KIF26A: variants seen among roughly 807,000 people sequenced by gnomAD.
KIF26A encodes kinesin-like protein KIF26A.
KIF26A carries 74 observed loss-of-function variants against 126.0 expected under a neutral mutation model. That is an observed-to-expected ratio of 0.59 (90% CI 0.49 to 0.71). The LOEUF (loss-of-function observed/expected upper bound fraction) is 0.71. Among genes scored for constraint, KIF26A ranks in the 30% least tolerant of loss-of-function variants. The pLI, the probability that KIF26A is intolerant of heterozygous loss-of-function variation, is 0.00. For synonymous variants in KIF26A, 1,445 were observed against 1,232.7 expected, an observed-to-expected ratio of 1.17 and a Z score of -3.61; for missense variants, 2,984 against 2,763.3, an observed-to-expected ratio of 1.08 and a Z score of -1.79.
At position 104,176,220 on chromosome 14, in the gene KIF26A, G is replaced by T; in HGVS notation, c.3432G>T (p.Gly1144=). ...ACTCGCTGGCAGGGCTTGACCCTGG[G>T]GGCCCCCCTGCCCTGGATGGTTCCC... The part of the protein sequence containing the change: ...SPDSLAGLDP[G]GPPALDGSLG... The change falls in exon 12 of 15, where the codon GGG becomes GGT. Residue 1144 remains glycine, a synonymous_variant. Coordinates refer to ENST00000423312, the MANE Select transcript of KIF26A (RefSeq NM_015656.2). 6.2e-7 allele frequency: 1 copy of T among 1,601,204 alleles called. No homozygotes were observed. The highest frequency in any genetic ancestry group is 8.5e-7 in the Non-Finnish European group (1 of 1,174,998).
At chr14:104,144,000 G>A (rs1197729588) in intron 2 of KIF26A, among the ~76,000 whole-genome samples, 1 of 152,232 alleles carries the variant, frequency 6.6e-6, no homozygotes, top group African/African-American at 2.4e-5. Context: ...TGGGGAGGGA[G>A]CCTGGGGAAG....
chr14:104,158,044 T>A, intron 4 of KIF26A, 102 bp downstream of exon 4: 1 of 1,122,376 alleles, frequency 8.9e-7, no homozygotes, highest in Non-Finnish European at 1.2e-6. Context: ...ACCTCGGGCA[T>A]GCTTGCTGCT....
intron 5 of KIF26A, among the ~76,000 whole-genome samples, chr14:104,167,355 T>C (rs1231016774): frequency 2.0e-5 from 3 of 151,818 alleles, no homozygotes; most frequent in African/African-American, 7.3e-5. Flanking sequence ...TTGGGTTTGA[T>C]CCAGGGAAGC....
At chr14:104,169,865 C>T (rs1410568828) in intron 5 of KIF26A, among the ~76,000 whole-genome samples, 1 of 152,206 alleles carries the variant, frequency 6.6e-6, no homozygotes. Context: ...AGGGGAGAGG[C>T]TTGCTGTGCC....
chr14:104,167,389 C>T (rs988745655), intron 5 of KIF26A, among the ~76,000 whole-genome samples: 8 of 152,148 alleles, frequency 5.3e-5, no homozygotes, highest in African/African-American at 9.7e-5. Flanking sequence ...TCCACTGAGA[C>T]GCAGCCCTGA....
intron 11 of KIF26A, 23 bp from the exon 12 acceptor site, chr14:104,174,959 C>T (rs1267500083): frequency 6.7e-7 from 1 of 1,501,006 alleles, no homozygotes; most frequent in Non-Finnish European, 8.9e-7. Flanking sequence ...CTGGGCTCGG[C>T]AGCTCCACTT....
chr14:104,179,034 G>A (rs1165746407), intron 13 of KIF26A, among the ~76,000 whole-genome samples: 2 of 152,186 alleles, frequency 1.3e-5, no homozygotes, highest in African/African-American at 4.8e-5. Flanking sequence ...CCTGTCGTGG[G>A]GAGGGTGGTC....
Position 104,148,004 on chromosome 14 carries a change from A to C in KIF26A, c.289-4011A>C, listed in dbSNP as rs562038137. Reference sequence around the variant, plus strand: ...GGCGTGGCGTCTCTGAACTGGGAGCAGGACTCCCCTCGCTGTCCCAGGGTG... The same window carrying C: ...GGCGTGGCGTCTCTGAACTGGGAGCCGGACTCCCCTCGCTGTCCCAGGGTG... On this transcript the variant is annotated intron_variant, in intron 2 of 14. Coordinates refer to ENST00000423312, the MANE Select transcript of KIF26A (RefSeq NM_015656.2). The surrounding 1 kb of genome is among the most constrained non-coding windows in gnomAD (Gnocchi z 4.3). Among the ~76,000 whole-genome samples, 9 of 152,298 alleles carry C rather than the reference A, an allele frequency of 5.9e-5. No individual in the cohort carries two copies. The highest frequency in any genetic ancestry group is 2.9e-5 in the Non-Finnish European group (2 of 68,022).
chr14:104,176,697 C>A lies in KIF26A; in HGVS notation c.3909C>A (p.Ile1303=). Residue 1303 remains isoleucine (I), a synonymous_variant, in exon 12 of 15, where the codon ATC becomes ATA. Transcript: ENST00000423312. ...AARRPEAVAR[I]PPLRRGATTL... ...GCAGGCCAGAGGCTGTGGCTCGGAT[C>A]CCACCGCTGCGGAGGGGTGCCACCA... The A allele has an allele frequency of 6.3e-7, 1 of 1,589,570 alleles. No homozygotes were observed. Among genetic ancestry groups the A allele is most frequent in the Non-Finnish European group, 8.6e-7 (1 of 1,168,376 alleles).
chr14:104,141,373 A>G (rs1034776339), intron 2 of KIF26A, among the ~76,000 whole-genome samples: 8 of 152,214 alleles, frequency 5.3e-5, no homozygotes, highest in African/African-American at 1.9e-4. Flanking sequence ...CCTTGAGGAT[A>G]GCTGTTTACA....
Position 104,177,249 on chromosome 14 carries a change from T to C in KIF26A, c.4461T>C (p.Ala1487=). Residue 1487 remains alanine (A), a synonymous_variant, in exon 12 of 15, where the codon GCT becomes GCC. Transcript: ENST00000423312. The part of the protein sequence containing the change: ...APACRSGAAK[A]VGAPKPPVGG... ...CCTGTAGGAGCGGCGCAGCCAAGGC[T>C]GTGGGGGCCCCCAAGCCCCCTGTTG... is the stretch of plus-strand genomic sequence containing the variant. The C allele has an allele frequency of 1.9e-6, 3 of 1,597,032 alleles. No individual in the cohort carries two copies. The highest frequency in any genetic ancestry group is 2.6e-6 in the Non-Finnish European group (3 of 1,175,414).
At position 104,148,938 on chromosome 14, in the gene KIF26A, G is replaced by C. The variant is rs1314237730; in HGVS notation, c.289-3077G>C. ...AGCTGGACAGTGTGCTGGGCCCCAG[G>C]CTGGTCCTGCAAATAGGAGGTCTCG... On this transcript the variant is annotated intron_variant, in intron 2 of 14. Coordinates refer to ENST00000423312, the MANE Select transcript of KIF26A (RefSeq NM_015656.2). The surrounding 1 kb of genome is among the most constrained non-coding windows in gnomAD (Gnocchi z 4.3). 6.6e-6 allele frequency among the ~76,000 whole-genome samples: 1 copy of C among 152,178 alleles called. No homozygotes were observed. Among genetic ancestry groups the C allele is most frequent in the Non-Finnish European group, 1.5e-5 (1 of 68,026 alleles).
chr14:104,175,649 C>G lies in KIF26A; in HGVS notation c.2861C>G (p.Pro954Arg), dbSNP rs199857970. ...AGGCCACTGCCCAGCCCGGCTCCCCCACCTCCTCAGTTGCTGGAAGCCTGC... is the reference window on the plus strand; with the variant it reads ...AGGCCACTGCCCAGCCCGGCTCCCCGACCTCCTCAGTTGCTGGAAGCCTGC... ...GRRPLPSPAP[P>R]PPQLLEACRA... The change falls in exon 12 of 15, where the codon CCA becomes CGA. Residue 954 changes from proline (P) to arginine (R), a missense_variant. Physicochemically the swap from Pro to Arg is moderately radical, Grantham distance 103. Coordinates refer to ENST00000423312, the MANE Select transcript of KIF26A (RefSeq NM_015656.2). 8,755 of 1,610,064 alleles carry G rather than the reference C, an allele frequency of 5.4e-3. 28 individuals are homozygous for G. The highest frequency in any genetic ancestry group is 6.5e-3 in the Non-Finnish European group (7,701 of 1,179,300).
At chr14:104,165,807 G>GCA (rs1374649687) in intron 4 of KIF26A, among the ~76,000 whole-genome samples, 13 of 142,850 alleles carry the variant, frequency 9.1e-5, no homozygotes, top group Admixed American at 4.2e-4. Flanking sequence ...GCATATGTGT[G>GCA]TCTGTGTGTT....
At chr14:104,141,331 C>T (rs890702318) in intron 2 of KIF26A, among the ~76,000 whole-genome samples, 26 of 152,304 alleles carry the variant, frequency 1.7e-4, no homozygotes, top group African/African-American at 6.0e-4. Context: ...CCCAGGGGCC[C>T]GTTTCGTATT....
rs775690994 is a variant in KIF26A at position 104,176,983 on chromosome 14, G to C, written c.4195G>C (p.Glu1399Gln). 6.5e-7 allele frequency: 1 copy of C among 1,539,914 alleles called. No homozygotes were observed. Among genetic ancestry groups the C allele is most frequent in the East Asian group, 2.4e-5 (1 of 41,212 alleles). ...RVGAAAVLRG[E>Q]EEPRPSSRAD... ...CGGGGCTGCTGCTGTCCTTCGAGGGGAGGAGGAGCCCAGACCCAGCAGCCG... is the reference window on the plus strand; with the variant it reads ...CGGGGCTGCTGCTGTCCTTCGAGGGCAGGAGGAGCCCAGACCCAGCAGCCG... The change falls in exon 12 of 15, where the codon GAG becomes CAG. Residue 1399 changes from glutamate (E) to glutamine (Q), a missense_variant. Physicochemically the swap from Glu to Gln is conservative, Grantham distance 29. Coordinates refer to ENST00000423312, the MANE Select transcript of KIF26A (RefSeq NM_015656.2).
rs766548702 is a variant in KIF26A at position 104,176,073 on chromosome 14, C to T, written c.3285C>T (p.Pro1095=). The T allele has an allele frequency of 1.3e-6, 2 of 1,596,494 alleles. No homozygotes were observed. The highest frequency in any genetic ancestry group is 3.4e-5 in the Admixed American group (2 of 58,594). The change falls in exon 12 of 15, where the codon CCC becomes CCT. Residue 1095 remains proline (P), a synonymous_variant. Transcript: ENST00000423312. ...AYTSQAPEGG[P]LEGAAWAGSS... is the part of the protein sequence containing the mutation. ...CCTCTCAGGCCCCTGAGGGGGGGCCCCTGGAGGGGGCAGCCTGGGCCGGCA... is the reference window on the plus strand; with the variant it reads ...CCTCTCAGGCCCCTGAGGGGGGGCCTCTGGAGGGGGCAGCCTGGGCCGGCA...
Position 104,176,100 on chromosome 14 carries a change from C to A in KIF26A, c.3312C>A (p.Ser1104Arg), listed in dbSNP as rs747377767. The change falls in exon 12 of 15, where the codon AGC (serine) becomes AGA (arginine). Residue 1104 changes from serine (S) to arginine (R), a missense_variant. Coordinates refer to ENST00000423312, the MANE Select transcript of KIF26A (RefSeq NM_015656.2). The part of the protein sequence containing the change: ...GPLEGAAWAG[S>R]SHGSSISSWL... ...TGGAGGGGGCAGCCTGGGCCGGCAG[C>A]AGTCACGGCTCCTCCATCAGCTCCT... The A allele has an allele frequency of 6.3e-7, 1 of 1,586,008 alleles. No individual in the cohort carries two copies. The highest frequency in any genetic ancestry group is 8.6e-7 in the Non-Finnish European group (1 of 1,167,162).
Position 104,176,735 on chromosome 14 carries a change from C to G in KIF26A, c.3947C>G (p.Thr1316Arg), listed in dbSNP as rs1178933524. 3.2e-5 allele frequency: 50 copies of G among 1,586,974 alleles called. No individual in the cohort carries two copies. Among genetic ancestry groups the G allele is most frequent in the Non-Finnish European group, 4.1e-5 (48 of 1,168,006 alleles). The change falls in exon 12 of 15, where the codon ACA (threonine) becomes AGA (arginine). Residue 1316 changes from threonine to arginine, a missense_variant. Physicochemically the swap from Thr to Arg is moderately conservative, Grantham distance 71. Transcript: ENST00000423312. ...AGGGGTGCCACCACGCTGGGTGTGA[C>G]AACGCCAGCTGTGTCCTGGGGAGAT... ...LRRGATTLGV[T>R]TPAVSWGDAP...
Sources: allele counts gnomAD v4.1 joint callset (sites outside exome capture counted in the v4.1 genomes callset), GRCh38; gene constraint gnomAD v4.1.1; non-coding constraint Gnocchi (gnomAD v3.1); transcripts MANE v1.5; gene names NCBI Gene and HGNC (gene_info 2026-07-23, HGNC 2026-07-21).